CCSER1: variants seen among roughly 807,000 people sequenced by gnomAD.
CCSER1 encodes the protein coiled-coil serine rich protein 1, also known as serine-rich coiled-coil domain-containing protein 1.
CCSER1 carries 41 observed loss-of-function variants against 82.0 expected under a neutral mutation model. That is an observed-to-expected ratio of 0.50 (90% CI 0.39 to 0.65). The LOEUF (loss-of-function observed/expected upper bound fraction) is 0.65, where lower values mean the gene tolerates loss of function less well. Ranked by LOEUF, CCSER1 falls within the 30% of genes least tolerant of loss-of-function variation. CCSER1 has a pLI of 0.00. For missense variants in CCSER1, 1,119 were observed against 1,064.2 expected (o/e 1.05, Z -0.72); for synonymous variants, 414 against 383.9 (o/e 1.08, Z -0.92).
At chr4:91,364,801 C>G (rs903057675) in intron 10 of CCSER1, among the ~76,000 whole-genome samples, 10 of 151,948 alleles carry the variant, frequency 6.6e-5, no homozygotes, top group Non-Finnish European at 1.5e-4. Flanking sequence ...AGTTGTGGAT[C>G]TGAGCTAAGT....
intron 10 of CCSER1, among the ~76,000 whole-genome samples, chr4:91,304,369 C>T (rs143146917): frequency 2.6e-5 from 4 of 152,036 alleles, no homozygotes; most frequent in African/African-American, 9.6e-5. Flanking sequence ...AGGCAATTGC[C>T]TTAAATTTTC....
intron 8 of CCSER1, among the ~76,000 whole-genome samples, chr4:90,851,894 T>C (rs1455238290): frequency 6.6e-6 from 1 of 152,222 alleles, no homozygotes; most frequent in East Asian, 1.9e-4. Flanking sequence ...TTAATTTGCC[T>C]AACCACTACT....
chr4:90,862,869 A>G (rs908712613), intron 8 of CCSER1, among the ~76,000 whole-genome samples: 1 of 145,392 alleles, frequency 6.9e-6, no homozygotes, highest in African/African-American at 2.5e-5. Context: ...GAAAACCCGT[A>G]TTACAGAAGC....
Position 91,603,201 on chromosome 4 carries a change from A to G in CCSER1, c.*4144A>G, listed in dbSNP as rs1026227558. 1 of 152,130 alleles carries G rather than the reference A, an allele frequency of 6.6e-6. No individual in the cohort carries two copies. The highest frequency in any genetic ancestry group is 1.5e-5 in the Non-Finnish European group (1 of 67,980). The allele number at this position is 152,130 out of a possible 1,614,324, so 9.4% of individuals were successfully genotyped here. ...GTAGTATAAAAGCAAACAGTCAACT[A>G]AGCAACCAAACAAAACAGCTCTCTT... On this transcript the variant is annotated 3_prime_UTR_variant, in exon 11 of 11. Transcript: ENST00000509176.
intron 4 of CCSER1, among the ~76,000 whole-genome samples, chr4:90,455,463 T>G (rs1008061348): frequency 7.2e-5 from 11 of 152,118 alleles, no homozygotes; most frequent in African/African-American, 2.7e-4. Context: ...GGGGTCTCAG[T>G]GATTCAGGAT....
chr4:91,122,628 A>G (rs888364661), intron 10 of CCSER1, among the ~76,000 whole-genome samples: 7 of 151,838 alleles, frequency 4.6e-5, no homozygotes, highest in Middle Eastern at 3.2e-3. Flanking sequence ...CACTATAAAT[A>G]TAGATCATAT....
intron 8 of CCSER1, among the ~76,000 whole-genome samples, chr4:90,864,715 C>T (rs1379489466): frequency 6.6e-6 from 1 of 152,018 alleles, no homozygotes; most frequent in Non-Finnish European, 1.5e-5. Context: ...CCTTGACAAT[C>T]TATGGGAAGA....
At chr4:90,766,218 G>A (rs1265137414) in intron 7 of CCSER1, among the ~76,000 whole-genome samples, 3 of 152,092 alleles carry the variant, frequency 2.0e-5, no homozygotes, top group African/African-American at 7.2e-5. Flanking sequence ...CATAGCAGAT[G>A]AGTCTTCCTA....
intron 9 of CCSER1, among the ~76,000 whole-genome samples, chr4:91,070,144 C>A (rs1721279464): frequency 6.6e-6 from 1 of 151,986 alleles, no homozygotes; most frequent in Admixed American, 6.6e-5. Flanking sequence ...ACCACCACAC[C>A]TGGCTAAATT....
At chr4:90,953,998 G>A (rs930637057) in intron 9 of CCSER1, among the ~76,000 whole-genome samples, 14 of 151,924 alleles carry the variant, frequency 9.2e-5, no homozygotes, top group African/African-American at 3.1e-4. Context: ...TCTCATAAAA[G>A]TAGCATACAG....
At chr4:91,344,895 A>G (rs1482010033) in intron 10 of CCSER1, among the ~76,000 whole-genome samples, 3 of 152,220 alleles carry the variant, frequency 2.0e-5, no homozygotes, top group Non-Finnish European at 4.4e-5. Context: ...TGATTATTCA[A>G]AGAGGTCGAG....
At chr4:91,269,715 C>G (rs151171689) in intron 10 of CCSER1, among the ~76,000 whole-genome samples, 250 of 152,180 alleles carry the variant, frequency 1.6e-3, no homozygotes, top group African/African-American at 5.8e-3. Flanking sequence ...TTATATAACT[C>G]AGATATTTTC....
chr4:90,871,078 TTC>T (rs1491113649), intron 8 of CCSER1, among the ~76,000 whole-genome samples: 5 of 142,502 alleles, frequency 3.5e-5, no homozygotes, highest in African/African-American at 5.2e-5. Flanking sequence ...CTCTCTTTTT[TTC>T]TTAGACTTTT....
At chr4:91,569,976 T>G (rs1207331968) in intron 10 of CCSER1, among the ~76,000 whole-genome samples, 1 of 152,056 alleles carries the variant, frequency 6.6e-6, no homozygotes, top group Non-Finnish European at 1.5e-5. Flanking sequence ...CTAGATATGA[T>G]GGGGGAAAAG....
At chr4:90,703,582 C>G (rs916328269) in intron 6 of CCSER1, among the ~76,000 whole-genome samples, 1 of 152,120 alleles carries the variant, frequency 6.6e-6, no homozygotes, top group Non-Finnish European at 1.5e-5. Context: ...GTGTTAAAGT[C>G]TCCCATTATT....
intron 9 of CCSER1, among the ~76,000 whole-genome samples, chr4:91,020,890 C>A (rs1027045197): frequency 6.6e-6 from 1 of 152,116 alleles, no homozygotes; most frequent in East Asian, 1.9e-4. Flanking sequence ...TATTTAAAGG[C>A]GATCTACTTA....
chr4:91,551,656 A>ACACAC (rs1762162402), intron 10 of CCSER1, among the ~76,000 whole-genome samples: 2 of 139,434 alleles, frequency 1.4e-5, no homozygotes, highest in South Asian at 2.4e-4. Flanking sequence ...GCAAAAAACA[A>ACACAC]ACACACACAC....
At chr4:90,568,787 C>A (rs1443068478) in intron 5 of CCSER1, among the ~76,000 whole-genome samples, 2 of 141,352 alleles carry the variant, frequency 1.4e-5, no homozygotes, top group Non-Finnish European at 1.5e-5. Flanking sequence ...CTTTTTGAGA[C>A]AGTCTCACTC....
intron 1 of CCSER1, among the ~76,000 whole-genome samples, chr4:90,260,653 T>G (rs1279247479): frequency 1.3e-5 from 2 of 152,182 alleles, no homozygotes; most frequent in East Asian, 3.8e-4. Context: ...AATGCTTATG[T>G]GTAAGATGAG....
Sources: gnomAD v4.1 joint callset for allele counts (sites outside exome capture counted in the v4.1 genomes callset) on GRCh38, gnomAD v4.1.1 for gene constraint, MANE v1.5 for transcripts, NCBI Gene and HGNC (gene_info 2026-07-23, HGNC 2026-07-21) for gene names.